FBRSL1: variants seen among roughly 807,000 people sequenced by gnomAD.
The protein encoded by FBRSL1 is fibrosin-1-like protein.
FBRSL1 carries 51 observed loss-of-function variants against 89.6 expected under a neutral mutation model. That is an observed-to-expected ratio of 0.57 (90% CI 0.45 to 0.72). The LOEUF (loss-of-function observed/expected upper bound fraction) is 0.72, where lower values mean the gene tolerates loss of function less well. Ranked by LOEUF, FBRSL1 falls within the 30% of genes least tolerant of loss-of-function variation. The probability of loss-of-function intolerance (pLI) is 0.00; values close to 1 mark genes in which losing one functional copy is unlikely to be tolerated. For synonymous variants in FBRSL1, 779 were observed against 681.1 expected, an observed-to-expected ratio of 1.14 and a Z score of -2.24; for missense variants, 1,618 against 1,451.8, an observed-to-expected ratio of 1.11 and a Z score of -1.86.
At chr12:132,542,697 C>G (rs1334183812) in intron 4 of FBRSL1, among the ~76,000 whole-genome samples, 2 of 152,216 alleles carry the variant, frequency 1.3e-5, no homozygotes, top group Admixed American at 6.5e-5. Flanking sequence ...CCCTTGGCCC[C>G]TCTGTCTCCT....
intron 2 of FBRSL1, among the ~76,000 whole-genome samples, chr12:132,521,660 G>A (rs942497106): frequency 7.2e-5 from 11 of 152,302 alleles, no homozygotes; most frequent in East Asian, 5.8e-4. Context: ...TGTGAGAGTC[G>A]CCCTGGTGTG....
chr12:132,525,222 G>A (rs1054453243), intron 2 of FBRSL1, among the ~76,000 whole-genome samples: 5 of 152,234 alleles, frequency 3.3e-5, no homozygotes, highest in Non-Finnish European at 7.3e-5. Context: ...GGAGCCGACC[G>A]AAGGAGGTGC....
At chr12:132,572,481 G>C (rs1350661778) in intron 10 of FBRSL1, 46 bp from the exon 11 acceptor site, 3 of 1,503,348 alleles carry the variant, frequency 2.0e-6, no homozygotes, top group South Asian at 1.2e-5. Flanking sequence ...CAGAGGGTGG[G>C]GTGAGGACTT....
chr12:132,528,100 G>A (rs1222651272), intron 4 of FBRSL1, 112 bp downstream of exon 4: 9 of 962,026 alleles, frequency 9.4e-6, no homozygotes, highest in Admixed American at 6.2e-5. Flanking sequence ...TCCCGTGCCC[G>A]CTTTCCCTCT....
intron 5 of FBRSL1, among the ~76,000 whole-genome samples, chr12:132,550,551 G>A (rs888521325): frequency 1.3e-5 from 2 of 152,122 alleles, no homozygotes; most frequent in Admixed American, 6.5e-5. Context: ...TTGTTGGCCC[G>A]TCAGCCTGTC....
intron 4 of FBRSL1, among the ~76,000 whole-genome samples, chr12:132,529,376 G>C (rs992275758): frequency 1.3e-5 from 2 of 152,192 alleles, no homozygotes; most frequent in African/African-American, 4.8e-5. Context: ...GGCCAGGAGT[G>C]GACCCCAGGA....
intron 2 of FBRSL1, chr12:132,512,077 A>G: frequency 1.1e-6 from 1 of 918,338 alleles, no homozygotes; most frequent in Non-Finnish European, 1.3e-6. Context: ...GGAGACCTGG[A>G]GCATCTGTTC....
intron 15 of FBRSL1, among the ~76,000 whole-genome samples, chr12:132,580,528 G>A (rs572066022): frequency 2.6e-5 from 4 of 152,316 alleles, no homozygotes; most frequent in South Asian, 4.2e-4. Context: ...CTCCCAGTGC[G>A]GGCATTTGAG....
intron 12 of FBRSL1, 48 bp downstream of exon 12, chr12:132,574,206 C>T (rs11146942): frequency 0.047 from 67,638 of 1,431,896 alleles, 2,232 homozygotes; most frequent in African/African-American, 0.15. Context: ...TGGCCTGCCC[C>T]GGCCGGGCCC....
intron 5 of FBRSL1, among the ~76,000 whole-genome samples, chr12:132,563,068 T>C (rs1458413351): frequency 1.3e-3 from 6 of 4,528 alleles, no homozygotes; most frequent in Admixed American, 4.3e-3. Context: ...ACCCCACGCC[T>C]GGCCCCCACA....
At chr12:132,555,629 G>A (rs2038573622) in intron 5 of FBRSL1, among the ~76,000 whole-genome samples, 1 of 152,176 alleles carries the variant, frequency 6.6e-6, no homozygotes, top group Admixed American at 6.5e-5. Flanking sequence ...CCCTCCAGAG[G>A]CCCCAGAGGA....
Position 132,581,735 on chromosome 12 carries a change from C to CCTTT in FBRSL1, c.1913-5_1913-4insTTTC. ...AGACCTCTGGGTCCCGCGGTTGCCC[C>CCTTT]CACAGACCCTTTCAGCAGACCGAGC... On this transcript the variant is annotated splice_polypyrimidine_tract_variant and splice_region_variant and intron_variant, in intron 16 of 18. Coordinates refer to ENST00000680143, the MANE Select transcript of FBRSL1 (RefSeq NM_001367871.1). 2 of 1,550,154 alleles carry CCTTT rather than the reference C, an allele frequency of 1.3e-6. No individual in the cohort carries two copies. The highest frequency in any genetic ancestry group is 1.7e-6 in the Non-Finnish European group (2 of 1,146,810).
In FBRSL1 at chr12:132,499,326, A is replaced by G. The variant is rs1051585229; in HGVS notation, c.291+8465A>G. On this transcript the variant is annotated intron_variant, in intron 1 of 18. Transcript: ENST00000680143. This position sits in a 1 kb window ranked among gnomAD's most constrained non-coding sequence, Gnocchi z 4.3. ...CAGCCAGGCAGGGGTGGTGCTGGGC[A>G]GCAGTGGTGCTGGACCTCTGGGAGA... Among the ~76,000 whole-genome samples the G allele has an allele frequency of 6.6e-6, 1 of 151,818 alleles. No individual in the cohort carries two copies. The highest frequency in any genetic ancestry group is 6.6e-5 in the Admixed American group (1 of 15,240).
intron 1 of FBRSL1, among the ~76,000 whole-genome samples, chr12:132,505,523 T>A (rs1593263636): frequency 6.6e-6 from 1 of 151,914 alleles, no homozygotes. Context: ...GGAGCGGGGG[T>A]GACCACGCTG....
intron 2 of FBRSL1, 61 bp from the exon 3 acceptor site, chr12:132,525,673 G>A: frequency 7.1e-7 from 1 of 1,403,586 alleles, no homozygotes; most frequent in South Asian, 1.2e-5. Flanking sequence ...TAGCCAGGGG[G>A]CCCCGATGCG....
intron 2 of FBRSL1, among the ~76,000 whole-genome samples, chr12:132,512,203 CA>C (rs2034421104): frequency 6.6e-6 from 1 of 152,246 alleles, no homozygotes; most frequent in Admixed American, 6.5e-5. Flanking sequence ...GCCAGTGTGA[CA>C]GGGGTCGAGA....
At chr12:132,578,785 CG>C (rs2040552833) in intron 15 of FBRSL1, among the ~76,000 whole-genome samples, 2 of 151,974 alleles carry the variant, frequency 1.3e-5, no homozygotes, top group Admixed American at 1.3e-4. Context: ...TTTGATGGCA[CG>C]TTGCATGTGG....
At chr12:132,541,291 C>T (rs2037247505) in intron 4 of FBRSL1, among the ~76,000 whole-genome samples, 1 of 152,214 alleles carries the variant, frequency 6.6e-6, no homozygotes, top group Non-Finnish European at 1.5e-5. Context: ...CTCAGTGGGC[C>T]CCACCCATCC....
At chr12:132,569,847 C>T (rs2039885531) in intron 6 of FBRSL1, 79 bp from the exon 7 acceptor site, 2 of 1,143,990 alleles carry the variant, frequency 1.7e-6, no homozygotes, top group East Asian at 3.2e-5. Flanking sequence ...GCACCGGGCA[C>T]GTACCAGGGC....
Sources: allele counts gnomAD v4.1 joint callset (sites outside exome capture counted in the v4.1 genomes callset), GRCh38; gene constraint gnomAD v4.1.1; non-coding constraint Gnocchi (gnomAD v3.1); transcripts MANE v1.5; gene names NCBI Gene and HGNC (gene_info 2026-07-23, HGNC 2026-07-21).